Variants in HNRNPUL1 observed in about 807,000 individuals in gnomAD.
HNRNPUL1 encodes heterogeneous nuclear ribonucleoprotein U like 1, also known as heterogeneous nuclear ribonucleoprotein U-like protein 1.
Under a neutral mutation model 108.5 loss-of-function variants are expected in HNRNPUL1, and 14 were observed. The observed-to-expected ratio is 0.13, with a 90% CI of 0.09 to 0.20. The LOEUF is 0.20. HNRNPUL1 is among the 10% of genes least tolerant of loss of function. The probability of loss-of-function intolerance (pLI) is 1.00; values close to 1 mark genes in which losing one functional copy is unlikely to be tolerated. For missense variants in HNRNPUL1, 804 were observed against 1,168.3 expected (o/e 0.69, Z 4.55); for synonymous variants, 422 against 445.2 (o/e 0.95, Z 0.66).
At chr19:41,265,143 G>T in intron 1 of HNRNPUL1, 1 of 1,422,260 alleles carries the variant, frequency 7.0e-7, no homozygotes, top group Non-Finnish European at 9.1e-7. Context: ...GGGTTGGGGA[G>T]GGTCTCGAAA....
rs1196202833 is a variant in HNRNPUL1, at chr19:41,302,838, G to A, written c.1861G>A (p.Gly621Arg). Residue 621 changes from glycine (G) to arginine (R), a missense_variant, in exon 12 of 15, where the codon GGG becomes AGG. By Grantham distance (125) the Gly-to-Arg change is moderately radical (BLOSUM62 -2). Transcript: ENST00000392006. ...NRGGGGFRGR[G>R]GGGGFQRYEN... ...AGGTGGTGGTGGCTTCCGGGGCCGC[G>A]GGGGTGGTGGTGGCTTCCAGCGCTA... 2.5e-6 allele frequency: 4 copies of A among 1,594,260 alleles called. No homozygotes were observed. The highest frequency in any genetic ancestry group is 1.7e-5 in the Admixed American group (1 of 58,508).
chr19:41,297,154 A>G (rs1195310199), intron 10 of HNRNPUL1, among the ~76,000 whole-genome samples: 1 of 152,258 alleles, frequency 6.6e-6, no homozygotes, highest in East Asian at 1.9e-4. Context: ...AAAAAGAGGT[A>G]GACCAGAGAG....
chr19:41,263,944 G>A (rs908402006), upstream of HNRNPUL1, among the ~76,000 whole-genome samples: 4 of 152,150 alleles, frequency 2.6e-5, no homozygotes, highest in Non-Finnish European at 5.9e-5. Context: ...GGTTTTACCC[G>A]CTCGGACTCC....
intron 7 of HNRNPUL1, among the ~76,000 whole-genome samples, chr19:41,290,497 G>T (rs2036520191): frequency 6.6e-6 from 1 of 152,080 alleles, no homozygotes; most frequent in Non-Finnish European, 1.5e-5. Flanking sequence ...TCCCTCACAT[G>T]CCGAGGTAGG....
intron 2 of HNRNPUL1, among the ~76,000 whole-genome samples, chr19:41,270,476 T>A (rs894056890): frequency 3.3e-4 from 50 of 149,596 alleles, no homozygotes; most frequent in African/African-American, 1.1e-3. Flanking sequence ...ATATTTTTTT[T>A]AATAAAAAAA....
rs762948471 is a variant in HNRNPUL1, at chr19:41,304,088, C to T, written c.2089C>T (p.Pro697Ser). Residue 697 changes from proline to serine, a missense_variant, in exon 13 of 15, where the codon CCA (proline) becomes TCA (serine). Coordinates refer to ENST00000392006, the MANE Select transcript of HNRNPUL1 (RefSeq NM_007040.6). ...CAACCGGGCTCCCCAGCAACAGCCG[C>T]CACCACAGCAGCCTCCGCCACCACA... ...SYNRAPQQQP[P>S]PQQPPPPQPP... The T allele has an allele frequency of 3.1e-6, 5 of 1,613,216 alleles. No individual in the cohort carries two copies. The highest frequency in any genetic ancestry group is 4.2e-6 in the Non-Finnish European group (5 of 1,179,232).
intron 5 of HNRNPUL1, among the ~76,000 whole-genome samples, chr19:41,277,115 A>G (rs1286130383): frequency 1.3e-5 from 2 of 151,290 alleles, no homozygotes; most frequent in Non-Finnish European, 3.0e-5. Context: ...AAAACAAAAA[A>G]ACAAAAACAA....
In HNRNPUL1 at chr19:41,264,623, G is replaced by T; in HGVS notation, c.120G>T (p.Glu40Asp). The T allele has an allele frequency of 6.3e-7, 1 of 1,583,798 alleles. No individual in the cohort carries two copies. The highest frequency in any genetic ancestry group is 8.5e-7 in the Non-Finnish European group (1 of 1,172,766). ...AERLQAALEA[E>D]EPDDERELDA... ...GGCTGCAGGCGGCGTTGGAGGCCGAGGAGCCTGACGACGAGCGGGAGCTCG... is the reference window on the plus strand; with the variant it reads ...GGCTGCAGGCGGCGTTGGAGGCCGATGAGCCTGACGACGAGCGGGAGCTCG... The change falls in exon 1 of 15, where the codon GAG (glutamate) becomes GAT (aspartate). Residue 40 changes from glutamate (E) to aspartate (D), a missense_variant. Glu to Asp is a conservative substitution (Grantham distance 45, BLOSUM62 2). Coordinates refer to ENST00000392006, the MANE Select transcript of HNRNPUL1 (RefSeq NM_007040.6).
In HNRNPUL1 at chr19:41,307,412, G is replaced by C. The variant is rs752711315; in HGVS notation, c.*847G>C. The C allele has an allele frequency of 6.6e-6, 1 of 152,580 alleles. No homozygotes were observed. Among genetic ancestry groups the C allele is most frequent in the African/African-American group, 2.4e-5 (1 of 41,406 alleles). 9.5% of individuals were successfully genotyped at this position (152,580 alleles called of 1,614,324 possible). On this transcript the variant is annotated 3_prime_UTR_variant, in exon 15 of 15. Transcript: ENST00000392006. The stretch of plus-strand genomic sequence containing the variant: ...TCTTGGTAGTTTCTGGTGGGATTCA[G>C]TGGGTGAGAGGGAAGAAGGGGAGGT...
chr19:41,290,510 G>A (rs1289117101), intron 7 of HNRNPUL1, among the ~76,000 whole-genome samples: 5 of 152,100 alleles, frequency 3.3e-5, no homozygotes, highest in Non-Finnish European at 5.9e-5. Context: ...GAGGTAGGCC[G>A]TGTCCCCTCC....
At chr19:41,263,494 A>G (rs1013128870), upstream of HNRNPUL1, among the ~76,000 whole-genome samples, 2 of 152,194 alleles carry the variant, frequency 1.3e-5, no homozygotes, top group African/African-American at 4.8e-5. Flanking sequence ...GTACCCGACC[A>G]TAGAGCAAGG....
In HNRNPUL1 at chr19:41,292,483, T is replaced by C. The variant is rs1331485004; in HGVS notation, c.1238T>C (p.Val413Ala). Reference sequence around the variant, plus strand: ...CTTAGTGAGCGTATCCGGGGCACCGTTGGACCAAAGAGCAAGGCAGAATGT... The same window carrying C: ...CTTAGTGAGCGTATCCGGGGCACCGCTGGACCAAAGAGCAAGGCAGAATGT... ...LPLSERIRGT[V>A]GPKSKAECEI... The change falls in exon 8 of 15, where the codon GTT (valine) becomes GCT (alanine). Residue 413 changes from valine to alanine, a missense_variant. By Grantham distance (64) the Val-to-Ala change is moderately conservative. Coordinates refer to ENST00000392006, the MANE Select transcript of HNRNPUL1 (RefSeq NM_007040.6). This position sits in a 1 kb window ranked among gnomAD's most constrained non-coding sequence, Gnocchi z 4.1. 6.2e-7 allele frequency: 1 copy of C among 1,612,860 alleles called. No individual in the cohort carries two copies. The highest frequency in any genetic ancestry group is 8.5e-7 in the Non-Finnish European group (1 of 1,179,188).
chr19:41,268,122 C>G, intron 1 of HNRNPUL1, 101 bp from the exon 2 acceptor site: 1 of 1,128,552 alleles, frequency 8.9e-7, no homozygotes, highest in Non-Finnish European at 1.3e-6. Context: ...TCTTACCACT[C>G]TTAGTTGAGC....
In HNRNPUL1 at chr19:41,302,837, C is replaced by T. The variant is rs778534359; in HGVS notation, c.1860C>T (p.Arg620=). The T allele has an allele frequency of 5.6e-6, 9 of 1,595,272 alleles. No individual in the cohort carries two copies. In the East Asian group the frequency reaches 6.7e-5, roughly 12 times the overall value. The change falls in exon 12 of 15, where the codon CGC becomes CGT. Residue 620 remains arginine, a synonymous_variant. Transcript: ENST00000392006. ...DNRGGGGFRG[R]GGGGGFQRYE... ...GAGGTGGTGGTGGCTTCCGGGGCCG[C>T]GGGGGTGGTGGTGGCTTCCAGCGCT...
intron 1 of HNRNPUL1, among the ~76,000 whole-genome samples, chr19:41,267,221 A>G (rs1286791143): frequency 6.6e-6 from 1 of 152,214 alleles, no homozygotes; most frequent in African/African-American, 2.4e-5. Context: ...TGAAGGGCTT[A>G]TCACTGGGCC....
intron 7 of HNRNPUL1, among the ~76,000 whole-genome samples, chr19:41,282,368 G>T (rs1011374620): frequency 6.6e-6 from 1 of 152,124 alleles, no homozygotes; most frequent in Non-Finnish European, 1.5e-5. Context: ...TTTTAGTAGA[G>T]ACGGGGTTTC....
chr19:41,264,323 T>C (rs2034664290), upstream of HNRNPUL1: 1 of 477,938 alleles, frequency 2.1e-6, no homozygotes, highest in East Asian at 3.5e-5. Context: ...TTGGCACTCA[T>C]GTAACATCGG....
At chr19:41,266,932 G>A (rs533567747) in intron 1 of HNRNPUL1, among the ~76,000 whole-genome samples, 1 of 152,322 alleles carries the variant, frequency 6.6e-6, no homozygotes, top group Admixed American at 6.5e-5. Context: ...TAGAGCAGGA[G>A]GGATCGTGGC....
chr19:41,273,928 T>A (rs1274904643), intron 3 of HNRNPUL1, 54 bp from the exon 4 acceptor site: 1 of 1,375,124 alleles, frequency 7.3e-7, no homozygotes, highest in African/African-American at 1.4e-5. Flanking sequence ...TCATTTTCTT[T>A]CCTTTGTGCT....
Sources: gnomAD v4.1 joint callset for allele counts (sites outside exome capture counted in the v4.1 genomes callset) on GRCh38, gnomAD v4.1.1 for gene constraint, Gnocchi (gnomAD v3.1) non-coding constraint, MANE v1.5 for transcripts, NCBI Gene and HGNC (gene_info 2026-07-23, HGNC 2026-07-21) for gene names.